The following NRG1 variants were observed in gnomAD, a reference collection of about 807,000 sequenced individuals.
The protein encoded by NRG1 is pro-neuregulin-1, membrane-bound isoform.
NRG1 carries 18 observed loss-of-function variants against 63.8 expected under a neutral mutation model. That is an observed-to-expected ratio of 0.28 (90% CI 0.19 to 0.42). The LOEUF (loss-of-function observed/expected upper bound fraction) is 0.42. NRG1 is among the 10% of genes least tolerant of loss of function. The probability of loss-of-function intolerance (pLI) is 1.00; values close to 1 mark genes in which losing one functional copy is unlikely to be tolerated. For synonymous variants in NRG1, 302 were observed against 301.3 expected, an observed-to-expected ratio of 1.00 and a Z score of -0.02; for missense variants, 762 against 814.7, an observed-to-expected ratio of 0.94 and a Z score of 0.79.
At chr8:31,919,421 A>T (rs1585756129) in intron 1 of NRG1, among the ~76,000 whole-genome samples, 1 of 151,350 alleles carries the variant, frequency 6.6e-6, no homozygotes, top group Non-Finnish European at 1.5e-5. Context: ...TCAATTTAGC[A>T]TTGAAATATT....
At chr8:32,487,522 G>A (rs909060601) in intron 1 of NRG1, among the ~76,000 whole-genome samples, 5 of 152,192 alleles carry the variant, frequency 3.3e-5, no homozygotes, top group Middle Eastern at 3.4e-3. Flanking sequence ...ATTCCACTAG[G>A]GTGGGCAAGT....
intron 1 of NRG1, among the ~76,000 whole-genome samples, chr8:31,746,703 G>A (rs1235597783): frequency 1.3e-5 from 2 of 151,914 alleles, no homozygotes; most frequent in African/African-American, 2.4e-5. Flanking sequence ...AGGTATCTAC[G>A]CTCTCATGCG....
chr8:31,705,383 C>G (rs991748144), intron 1 of NRG1, among the ~76,000 whole-genome samples: 1 of 152,008 alleles, frequency 6.6e-6, no homozygotes, highest in African/African-American at 2.4e-5. Context: ...GCCTTCTCCA[C>G]GCTGAAACTC....
chr8:31,710,264 G>A lies in NRG1; in HGVS notation c.37+70833G>A, dbSNP rs182460492. ...TGTATCATATTAAGAGTATGTTTTC[G>A]CTGTTATTTCTAGAATTTGCCTATT... On this transcript the variant is annotated intron_variant, in intron 1 of 10. Transcript: ENST00000519301. Among the ~76,000 whole-genome samples, 60 of 151,406 alleles carry A rather than the reference G, an allele frequency of 4.0e-4. No individual in the cohort carries two copies. The East Asian group carries it at 4.3e-3, about 11-fold the overall frequency.
At chr8:31,639,669 C>T (rs1009161195) in intron 1 of NRG1, 1 of 1,380,836 alleles carries the variant, frequency 7.2e-7, no homozygotes. Context: ...TCGGGCGCGG[C>T]GGCGGCGCGG....
intron 1 of NRG1, among the ~76,000 whole-genome samples, chr8:32,510,950 CT>C (rs1829106369): frequency 7.7e-6 from 1 of 130,630 alleles, no homozygotes. Context: ...TTCTTTCTTT[CT>C]TTCCTTTTTT....
At chr8:31,651,089 CAT>C (rs1353274996) in intron 1 of NRG1, among the ~76,000 whole-genome samples, 4 of 152,112 alleles carry the variant, frequency 2.6e-5, no homozygotes, top group Non-Finnish European at 5.9e-5. Flanking sequence ...CAGGAGAACA[CAT>C]GTGGGAAAAC....
chr8:31,923,447 A>G (rs1331385101), intron 1 of NRG1, among the ~76,000 whole-genome samples: 2 of 152,144 alleles, frequency 1.3e-5, no homozygotes, highest in African/African-American at 2.4e-5. Context: ...CCCTTGTGAT[A>G]GCAAGGTTAT....
At chr8:32,056,220 C>T (rs949018470) in intron 1 of NRG1, among the ~76,000 whole-genome samples, 16 of 152,054 alleles carry the variant, frequency 1.1e-4, no homozygotes, top group African/African-American at 2.2e-4. Context: ...CGGAAAGTTG[C>T]GAGAGAATAT....
At chr8:32,201,792 C>T (rs1243593185) in intron 1 of NRG1, among the ~76,000 whole-genome samples, 1 of 152,164 alleles carries the variant, frequency 6.6e-6, no homozygotes, top group Non-Finnish European at 1.5e-5. Flanking sequence ...AACTCAACTG[C>T]ATATAGGACC....
Position 32,105,296 on chromosome 8 carries a change from T to C in NRG1, c.37+465865T>C, listed in dbSNP as rs1831121518. Among the ~76,000 whole-genome samples, 4 of 152,154 alleles carry C rather than the reference T, an allele frequency of 2.6e-5. No homozygotes were observed. The South Asian group carries it at 8.3e-4, about 31-fold the overall frequency. ...TAAAGATATACCTGACACTGGGCAA[T>C]TTACAAAAGAAAGAGGCTTAATGGA... On this transcript the variant is annotated intron_variant, in intron 1 of 10. Transcript: ENST00000519301.
intron 1 of NRG1, among the ~76,000 whole-genome samples, chr8:32,164,188 A>T (rs538397293): frequency 6.6e-6 from 1 of 151,112 alleles, no homozygotes; most frequent in African/African-American, 2.4e-5. Flanking sequence ...CTGACCTATT[A>T]TTATGTCATC....
chr8:32,263,091 A>G (rs957542865), intron 1 of NRG1, among the ~76,000 whole-genome samples: 5 of 152,212 alleles, frequency 3.3e-5, no homozygotes, highest in African/African-American at 1.2e-4. Flanking sequence ...GGACATATCC[A>G]AGTGTCAACT....
At chr8:32,188,008 G>A (rs1842128749) in intron 1 of NRG1, among the ~76,000 whole-genome samples, 1 of 152,108 alleles carries the variant, frequency 6.6e-6, no homozygotes, top group East Asian at 1.9e-4. Flanking sequence ...AGCAAGAAAT[G>A]ACTGGAGCAT....
chr8:31,906,601 C>T (rs564131917), intron 1 of NRG1, among the ~76,000 whole-genome samples: 18 of 152,172 alleles, frequency 1.2e-4, no homozygotes, highest in African/African-American at 1.9e-4. Flanking sequence ...ATTTTCATTC[C>T]GAGCAGTACT....
chr8:32,511,224 C>T (rs1829156154), intron 1 of NRG1, among the ~76,000 whole-genome samples: 1 of 150,668 alleles, frequency 6.6e-6, no homozygotes, highest in Non-Finnish European at 1.5e-5. Context: ...GAAAAACATA[C>T]AACAGATATT....
rs533648263 is a variant in NRG1, at chr8:32,471,173, G to A, written c.38-124655G>A. Among the ~76,000 whole-genome samples, 46 of 152,210 alleles carry A rather than the reference G, an allele frequency of 3.0e-4. No individual in the cohort carries two copies. In the South Asian group the frequency reaches 4.1e-3, roughly 14 times the overall value. On this transcript the variant is annotated intron_variant, in intron 1 of 10. Coordinates refer to the NRG1 transcript ENST00000519301. ...CTTCACTTGTCCCATTTCTAATTCA[G>A]ACACTAATTCTGTTTCAGTTTAACT...
chr8:32,694,634 C>A (rs938448395), intron 5 of NRG1, among the ~76,000 whole-genome samples: 1 of 152,136 alleles, frequency 6.6e-6, no homozygotes, highest in African/African-American at 2.4e-5. Context: ...AAAATTAGGT[C>A]ATGTCTAAAA....
intron 5 of NRG1, among the ~76,000 whole-genome samples, chr8:32,689,496 C>T (rs1361758583): frequency 1.3e-5 from 2 of 151,948 alleles, no homozygotes; most frequent in African/African-American, 4.8e-5. Flanking sequence ...CAATATTTAC[C>T]TTTTATATTC....
Sources: allele counts gnomAD v4.1 joint callset (sites outside exome capture counted in the v4.1 genomes callset), GRCh38; gene constraint gnomAD v4.1.1; transcripts MANE v1.5; gene names NCBI Gene and HGNC (gene_info 2026-07-23, HGNC 2026-07-21).